Variants in XYLT1 observed in about 807,000 individuals in gnomAD.
The protein encoded by XYLT1 is xylosyltransferase 1.
In XYLT1, 36 loss-of-function variants were observed where a neutral mutation model predicts 91.3. The ratio of observed to expected loss-of-function variants is 0.39; its 90% CI spans 0.30 to 0.52. The LOEUF (loss-of-function observed/expected upper bound fraction) is 0.52. Ranked by LOEUF, XYLT1 falls within the 20% of genes least tolerant of loss-of-function variation. The pLI is 0.68. For synonymous variants in XYLT1, 588 were observed against 532.0 expected, an observed-to-expected ratio of 1.11 and a Z score of -1.45; for missense variants, 1,242 against 1,284.5, an observed-to-expected ratio of 0.97 and a Z score of 0.51.
chr16:17,351,836 C>T (rs1254859425), intron 2 of XYLT1, among the ~76,000 whole-genome samples: 2 of 151,830 alleles, frequency 1.3e-5, no homozygotes, highest in Admixed American at 6.6e-5. Flanking sequence ...TCCTTCACCC[C>T]GAAGTTATAA....
intron 1 of XYLT1, among the ~76,000 whole-genome samples, chr16:17,366,061 C>CTTTTT (rs11398471): frequency 7.8e-6 from 1 of 128,670 alleles, no homozygotes; most frequent in Non-Finnish European, 1.6e-5. Context: ...AGCTGGTTTG[C>CTTTTT]TTTTTTTTTT....
At chr16:17,272,149 GTTGGTT>G (rs2033904977) in intron 2 of XYLT1, among the ~76,000 whole-genome samples, 1 of 118,872 alleles carries the variant, frequency 8.4e-6, no homozygotes, top group Non-Finnish European at 1.8e-5. Flanking sequence ...ATTTTTTGTT[GTTGGTT>G]TTTTTTTTTT....
In XYLT1 at chr16:17,357,172, C is replaced by CAAAAA. The variant is rs1168668915; in HGVS notation, c.402+835_402+839dup. Among the ~76,000 whole-genome samples the CAAAAA allele has an allele frequency of 3.6e-3, 151 of 41,674 alleles. 43 individuals carry two copies. Among genetic ancestry groups the CAAAAA allele is most frequent in the Non-Finnish European group, 5.4e-3 (106 of 19,650 alleles). The allele number at this position is 41,674 out of a possible 152,430, so 27.3% of individuals were successfully genotyped here. On this transcript the variant is annotated intron_variant, in intron 2 of 11. Transcript: ENST00000261381. Reference sequence around the variant, plus strand: ...AGCCTGGGCAACAGAGACTCGGTCTCAAAAAAAAAAAAAAAAAAAAAAAAA... The same window carrying CAAAAA: ...AGCCTGGGCAACAGAGACTCGGTCTCAAAAAAAAAAAAAAAAAAAAAAAAAAAAAA...
chr16:17,470,637 C>G lies in XYLT1; in HGVS notation c.160G>C (p.Gly54Arg), dbSNP rs1188916437. Residue 54 changes from glycine (G) to arginine (R), a missense_variant, in exon 1 of 12, where the codon GGG (glycine) becomes CGG (arginine). By Grantham distance (125) the Gly-to-Arg change is moderately radical (BLOSUM62 -2). This residue lies in a region of XYLT1 where 437 missense variants were observed against 411.5 expected (regional missense o/e 1.06). Transcript: ENST00000261381. ...GCCGGGGCCGGGGGCGGCTGCTCCC[C>G]GCCGCCGACCGCTGCGCCCCCGCGG... ...ERRGGAAVGG[G>R]EQPPPAPAPR... The G allele has an allele frequency of 3.6e-6, 4 of 1,100,678 alleles. No homozygotes were observed. The East Asian group carries it at 3.0e-4, about 83-fold the overall frequency. 68.2% of individuals were successfully genotyped at this position (1,100,678 alleles called of 1,614,324 possible). A position where few individuals can be genotyped will look rare whatever the true frequency, so the allele number is the denominator to read the frequency against.
chr16:17,256,869 C>A (rs2033641254), intron 3 of XYLT1, among the ~76,000 whole-genome samples: 1 of 152,206 alleles, frequency 6.6e-6, no homozygotes, highest in South Asian at 2.1e-4. Context: ...CTCCCCAATT[C>A]TGCAGCTGGC....
intron 2 of XYLT1, among the ~76,000 whole-genome samples, chr16:17,342,135 C>T (rs2035070854): frequency 6.6e-6 from 1 of 152,220 alleles, no homozygotes; most frequent in Non-Finnish European, 1.5e-5. Context: ...AGCTTCACCT[C>T]CACCGCCCCT....
At chr16:17,275,842 G>A (rs973888053) in intron 2 of XYLT1, among the ~76,000 whole-genome samples, 4 of 152,154 alleles carry the variant, frequency 2.6e-5, no homozygotes, top group Admixed American at 2.0e-4. Context: ...CTTTGCCTGT[G>A]TGGGCCCTAT....
chr16:17,105,658 TA>T lies in XYLT1; in HGVS notation c.*3036del, dbSNP rs1966764530. 1 of 152,044 alleles carries T rather than the reference TA, an allele frequency of 6.6e-6. No homozygotes were observed. Among genetic ancestry groups the T allele is most frequent in the South Asian group, 2.1e-4 (1 of 4,816 alleles). The allele number at this position is 152,044 out of a possible 1,614,324, so 9.4% of individuals were successfully genotyped here. A position where few individuals can be genotyped will look rare whatever the true frequency, so the allele number is the denominator to read the frequency against. Reference sequence around the variant, plus strand: ...GAATGCTTCCTTCTCCACAAACCAATACCCCAAGGCCCACCTGTCAGCCTTC... The same window carrying T: ...GAATGCTTCCTTCTCCACAAACCAATCCCCAAGGCCCACCTGTCAGCCTTC... On this transcript the variant is annotated 3_prime_UTR_variant, in exon 12 of 12. Transcript: ENST00000261381.
At chr16:17,205,984 T>G (rs1252108734) in intron 3 of XYLT1, among the ~76,000 whole-genome samples, 1 of 152,168 alleles carries the variant, frequency 6.6e-6, no homozygotes, top group Non-Finnish European at 1.5e-5. Flanking sequence ...AGGCTTGGGT[T>G]AGGAAGCTCC....
chr16:17,316,365 T>C (rs980681860), intron 2 of XYLT1, among the ~76,000 whole-genome samples: 3 of 152,238 alleles, frequency 2.0e-5, no homozygotes, highest in Admixed American at 6.5e-5. Context: ...TTCAGAGAGA[T>C]GAAACAAGAG....
intron 10 of XYLT1, among the ~76,000 whole-genome samples, chr16:17,119,114 C>T (rs1186154222): frequency 6.6e-6 from 1 of 152,190 alleles, no homozygotes; most frequent in Non-Finnish European, 1.5e-5. Context: ...GTAATATAAG[C>T]TCTGTGTGAA....
chr16:17,371,422 G>T (rs1287196878), intron 1 of XYLT1, among the ~76,000 whole-genome samples: 3 of 152,200 alleles, frequency 2.0e-5, no homozygotes, highest in Non-Finnish European at 4.4e-5. Flanking sequence ...CTGAGCTGTA[G>T]GATGTTTTCC....
intron 2 of XYLT1, among the ~76,000 whole-genome samples, chr16:17,324,373 G>A (rs62030286): frequency 6.6e-6 from 1 of 152,134 alleles, no homozygotes; most frequent in African/African-American, 2.4e-5. Flanking sequence ...AGGAGCCAGC[G>A]CCTGTCCCTT....
intron 2 of XYLT1, among the ~76,000 whole-genome samples, chr16:17,340,066 A>G (rs1297793505): frequency 6.6e-6 from 1 of 151,440 alleles, no homozygotes; most frequent in African/African-American, 2.4e-5. Flanking sequence ...CCACTCATTT[A>G]TCTACCCACT....
intron 1 of XYLT1, among the ~76,000 whole-genome samples, chr16:17,459,957 T>C (rs1217765986): frequency 2.0e-5 from 3 of 152,218 alleles, no homozygotes; most frequent in Non-Finnish European, 2.9e-5. Context: ...CACTCCCACA[T>C]TGTGCTGCTT....
At chr16:17,128,886 G>GAAAT in intron 9 of XYLT1, among the ~76,000 whole-genome samples, 1 of 152,120 alleles carries the variant, frequency 6.6e-6, no homozygotes, top group Admixed American at 6.5e-5. Context: ...AGGCGCTTGT[G>GAAAT]GGTCCTTCAT....
At chr16:17,141,114 G>A (rs1342223742) in intron 7 of XYLT1, 39 bp downstream of exon 7, 1 of 1,598,160 alleles carries the variant, frequency 6.3e-7, no homozygotes, top group Non-Finnish European at 8.6e-7. Context: ...GCTAGAACAA[G>A]CCCCTATCTT....
chr16:17,226,220 G>A (rs1041216603), intron 3 of XYLT1, among the ~76,000 whole-genome samples: 2 of 152,226 alleles, frequency 1.3e-5, no homozygotes, highest in Non-Finnish European at 2.9e-5. Flanking sequence ...CCTTCTGAAT[G>A]TATTTGTGCA....
rs374604400 is a variant in XYLT1, at chr16:17,248,292, G to A, written c.913+10696C>T. On this transcript the variant is annotated intron_variant, in intron 3 of 11. Coordinates refer to ENST00000261381, the MANE Select transcript of XYLT1 (RefSeq NM_022166.4). ...GGCCTCCTCGGCCACATGGAACTGT[G>A]AGTCCATTAAACCTATTTTTCTTTA... is the stretch of plus-strand genomic sequence containing the variant. 8.5e-5 allele frequency among the ~76,000 whole-genome samples: 13 copies of A among 152,286 alleles called. No homozygotes were observed. In the East Asian group the frequency reaches 1.4e-3, roughly 16 times the overall value.
Sources: allele counts gnomAD v4.1 joint callset (sites outside exome capture counted in the v4.1 genomes callset), GRCh38; gene constraint gnomAD v4.1.1; regional missense constraint gnomAD v4.1.1; transcripts MANE v1.5; gene names NCBI Gene and HGNC (gene_info 2026-07-23, HGNC 2026-07-21).